The following FRMD4B variants were observed in gnomAD, a reference collection of about 807,000 sequenced individuals.
The protein encoded by FRMD4B is FERM domain-containing protein 4B.
In FRMD4B, 74 loss-of-function variants were observed where a neutral mutation model predicts 141.5. The ratio of observed to expected loss-of-function variants is 0.52; its 90% CI spans 0.43 to 0.63. The LOEUF (loss-of-function observed/expected upper bound fraction) is 0.63, where lower values mean the gene tolerates loss of function less well. Among genes scored for constraint, FRMD4B ranks in the 30% least tolerant of loss-of-function variants. FRMD4B has a pLI of 0.00. For missense variants in FRMD4B, 1,366 were observed against 1,253.4 expected (o/e 1.09, Z -1.36); for synonymous variants, 506 against 467.9 (o/e 1.08, Z -1.05).
At chr3:69,188,283 C>A (rs1472861034) in intron 18 of FRMD4B, among the ~76,000 whole-genome samples, 1 of 152,160 alleles carries the variant, frequency 6.6e-6, no homozygotes, top group Non-Finnish European at 1.5e-5. Flanking sequence ...TTTTTGTTCA[C>A]CTTTACTTTT....
chr3:69,379,281 T>C (rs921901140), intron 1 of FRMD4B, among the ~76,000 whole-genome samples: 2 of 152,220 alleles, frequency 1.3e-5, no homozygotes, highest in Admixed American at 6.5e-5. Flanking sequence ...TAAGTAATTA[T>C]ATATATATAT....
At chr3:69,194,185 A>G (rs1489034807) in intron 16 of FRMD4B, among the ~76,000 whole-genome samples, 4 of 152,228 alleles carry the variant, frequency 2.6e-5, no homozygotes, top group Middle Eastern at 3.2e-3. Context: ...GCAGAAGATT[A>G]TATTTATATG....
intron 11 of FRMD4B, among the ~76,000 whole-genome samples, chr3:69,212,359 C>CAAAAAAAAAA (rs869309749): frequency 3.9e-4 from 10 of 25,328 alleles, no homozygotes; most frequent in African/African-American, 4.9e-4. Context: ...AACCCCGTCT[C>CAAAAAAAAAA]AAAAAAAAAA....
At chr3:69,391,046 GT>G (rs530674737), upstream of FRMD4B, among the ~76,000 whole-genome samples, 251 of 151,260 alleles carry the variant, frequency 1.7e-3, 1 homozygote, top group Non-Finnish European at 3.2e-3. Context: ...TTGTTTGTTA[GT>G]TTTTTTTTAC....
At chr3:69,200,479 C>A (rs898414094) in intron 11 of FRMD4B, 2 of 991,008 alleles carry the variant, frequency 2.0e-6, no homozygotes, top group African/African-American at 3.5e-5. Context: ...TCCGCCCTCC[C>A]CCCTCCCAGA....
intron 2 of FRMD4B, among the ~76,000 whole-genome samples, chr3:69,413,118 G>A (rs1176468183): frequency 6.6e-6 from 1 of 151,974 alleles, no homozygotes; most frequent in African/African-American, 2.4e-5. Context: ...TGTATAGTAG[G>A]CATAAGAGTC....
chr3:69,179,980 A>G (rs1373916268), intron 21 of FRMD4B, among the ~76,000 whole-genome samples: 2 of 152,196 alleles, frequency 1.3e-5, no homozygotes, highest in Non-Finnish European at 2.9e-5. Context: ...AGTCCTCCAC[A>G]AATGTTAGCA....
At chr3:69,421,859 G>C (rs1322960147) in intron 2 of FRMD4B, among the ~76,000 whole-genome samples, 3 of 152,078 alleles carry the variant, frequency 2.0e-5, no homozygotes, top group Non-Finnish European at 4.4e-5. Context: ...AAAAAATAAA[G>C]ACAAAATGAA....
chr3:69,413,739 C>T (rs6795689), intron 2 of FRMD4B, among the ~76,000 whole-genome samples: 1 of 151,912 alleles, frequency 6.6e-6, no homozygotes, highest in Non-Finnish European at 1.5e-5. Context: ...ATTCACCACA[C>T]GTCCAAAAGA....
At chr3:69,344,980 A>G (rs995087812) in intron 1 of FRMD4B, among the ~76,000 whole-genome samples, 1 of 151,830 alleles carries the variant, frequency 6.6e-6, no homozygotes, top group Non-Finnish European at 1.5e-5. Context: ...GGCTTGTAGG[A>G]CAGTGGGTGC....
Position 69,200,906 on chromosome 3 carries a change from G to A in FRMD4B, c.877-2132C>T, listed in dbSNP as rs967216976. ...CCCACACACATAAAAACCAGGGCTG[G>A]ACTTGAAACATGATCTCTGAAAGTC... On this transcript the variant is annotated intron_variant, in intron 11 of 22. Coordinates refer to ENST00000398540, the MANE Select transcript of FRMD4B (RefSeq NM_015123.3). 2.9e-5 allele frequency: 13 copies of A among 454,330 alleles called. 1 individual carries two copies. Among genetic ancestry groups the A allele is most frequent in the South Asian group, 2.0e-4 (13 of 64,412 alleles). 28.1% of individuals were successfully genotyped at this position (454,330 alleles called of 1,614,324 possible).
chr3:69,365,808 C>T (rs76155689), intron 1 of FRMD4B, among the ~76,000 whole-genome samples: 33,208 of 151,702 alleles, frequency 0.22, 4,572 homozygotes, highest in African/African-American at 0.39. Context: ...GTGGAATTTT[C>T]GGAAAACCAA....
chr3:69,411,306 CTT>C (rs1317659418), intron 2 of FRMD4B, among the ~76,000 whole-genome samples: 1 of 152,162 alleles, frequency 6.6e-6, no homozygotes. Context: ...AGTTAGGACT[CTT>C]TTAAATTTTC....
At chr3:69,528,828 T>C (rs1700971815) in intron 1 of FRMD4B, among the ~76,000 whole-genome samples, 1 of 151,694 alleles carries the variant, frequency 6.6e-6, no homozygotes, top group African/African-American at 2.4e-5. Context: ...ACTAGCCTAT[T>C]AAGTCACCTA....
intron 1 of FRMD4B, among the ~76,000 whole-genome samples, chr3:69,435,725 T>G (rs1045426834): frequency 6.6e-6 from 1 of 152,170 alleles, no homozygotes; most frequent in South Asian, 2.1e-4. Flanking sequence ...GTCTTTCCAA[T>G]CTTCAAGGGG....
intron 5 of FRMD4B, among the ~76,000 whole-genome samples, chr3:69,277,716 G>C (rs2093624771): frequency 6.6e-6 from 1 of 151,838 alleles, no homozygotes. Context: ...ATTTTTAGTA[G>C]AGACCGGGTT....
chr3:69,477,107 G>C (rs1022783351), intron 1 of FRMD4B, among the ~76,000 whole-genome samples: 1 of 152,172 alleles, frequency 6.6e-6, no homozygotes, highest in Non-Finnish European at 1.5e-5. Context: ...ATTTTGGGCT[G>C]AGACGATGGG....
chr3:69,263,396 C>T (rs1197674438), intron 5 of FRMD4B, among the ~76,000 whole-genome samples: 5 of 72,920 alleles, frequency 6.9e-5, no homozygotes, highest in African/African-American at 1.7e-4. Flanking sequence ...GTTACATGCA[C>T]TTTTTTTTTT....
At chr3:69,505,905 T>G (rs1330803844) in intron 1 of FRMD4B, among the ~76,000 whole-genome samples, 1 of 152,194 alleles carries the variant, frequency 6.6e-6, no homozygotes, top group Admixed American at 6.5e-5. Context: ...CCTTAGTCAG[T>G]GTGAATCCTG....
Sources: allele counts gnomAD v4.1 joint callset (sites outside exome capture counted in the v4.1 genomes callset), GRCh38; gene constraint gnomAD v4.1.1; transcripts MANE v1.5; gene names NCBI Gene and HGNC (gene_info 2026-07-23, HGNC 2026-07-21).